Variants in SAP130 observed in about 807,000 individuals in gnomAD.
SAP130 encodes histone deacetylase complex subunit SAP130.
Under a neutral mutation model 103.2 loss-of-function variants are expected in SAP130, and 16 were observed. That is an observed-to-expected ratio of 0.16 (90% CI 0.10 to 0.24). The LOEUF (loss-of-function observed/expected upper bound fraction) is 0.24, where lower values mean the gene tolerates loss of function less well. SAP130 is among the 10% of genes least tolerant of loss of function. The pLI is 1.00. For missense variants in SAP130, 990 were observed against 1,359.7 expected, an observed-to-expected ratio of 0.73 and a Z score of 4.28; for synonymous variants, 477 against 497.0, an observed-to-expected ratio of 0.96 and a Z score of 0.53.
Position 127,942,260 on chromosome 2 carries a change from T to C in SAP130, c.3016-96A>G. 8.3e-7 allele frequency: 1 copy of C among 1,200,650 alleles called. No homozygotes were observed. The highest frequency in any genetic ancestry group is 1.4e-5 in the South Asian group (1 of 69,500). The allele number at this position is 1,200,650 out of a possible 1,614,324, so 74.4% of individuals were successfully genotyped here. On this transcript the variant is annotated intron_variant, in intron 20 of 20. Coordinates refer to ENST00000643581, the MANE Select transcript of SAP130 (RefSeq NM_001330301.2). The surrounding 1 kb of genome is among the most constrained non-coding windows in gnomAD (Gnocchi z 4.8). ...CTTTGGGCAGAGGCCATGTTGAGGC[T>C]TCCACAACAGAGAAAATGTCTTTTT...
chr2:128,010,249 T>G lies in SAP130; in HGVS notation c.869+20A>C. The G allele has an allele frequency of 6.3e-7, 1 of 1,599,970 alleles. No individual in the cohort carries two copies. The highest frequency in any genetic ancestry group is 8.5e-7 in the Non-Finnish European group (1 of 1,171,332). On this transcript the variant is annotated intron_variant, in intron 7 of 20. Coordinates refer to ENST00000643581, the MANE Select transcript of SAP130 (RefSeq NM_001330301.2). ...AGGAGGATGGCAGGAAGGTTCAAAC[T>G]TCATACTCCCCATGTATACCTAAGT...
intron 6 of SAP130, 36 bp from the exon 7 acceptor site, chr2:128,010,429 A>G (rs758627676): frequency 6.3e-7 from 1 of 1,588,822 alleles, no homozygotes. Flanking sequence ...TTTAAAACAA[A>G]AATAAAATAG....
At position 127,961,305 on chromosome 2, in the gene SAP130, AT is replaced by A. The variant is rs70985491; in HGVS notation, c.2064-5962del. On this transcript the variant is annotated intron_variant, in intron 15 of 20. Coordinates refer to ENST00000643581, the MANE Select transcript of SAP130 (RefSeq NM_001330301.2). ...AGGGGTGTACCACCATGCCCAGCTA[AT>A]TTTTTTTTTTTTTTTAATTTTAGTA... Among the ~76,000 whole-genome samples the A allele has an allele frequency of 5.1e-3, 732 of 142,504 alleles. 6 individuals are homozygous for A. The highest frequency in any genetic ancestry group is 0.017 in the African/African-American group (650 of 38,768). The allele number at this position is 142,504 out of a possible 152,430, so 93.5% of individuals were successfully genotyped here. A position where few individuals can be genotyped will look rare whatever the true frequency, so the allele number is the denominator to read the frequency against.
intron 19 of SAP130, among the ~76,000 whole-genome samples, 154 bp downstream of exon 19, chr2:127,945,302 G>C (rs980560591): frequency 2.6e-5 from 4 of 152,232 alleles, no homozygotes; most frequent in Admixed American, 2.6e-4. Context: ...AACTGACACA[G>C]TGTGATATTA....
At chr2:128,027,392 C>A in intron 1 of SAP130, 1 of 1,139,352 alleles carries the variant, frequency 8.8e-7, no homozygotes, top group South Asian at 4.4e-5. Flanking sequence ...CCTGCACGTT[C>A]AGAGCCCGCC....
intron 15 of SAP130, among the ~76,000 whole-genome samples, chr2:127,969,230 T>C (rs866480412): frequency 7.2e-5 from 11 of 152,262 alleles, no homozygotes; most frequent in South Asian, 2.1e-4. Flanking sequence ...GGAAGAAGGA[T>C]AAAATGTAGT....
At position 127,980,896 on chromosome 2, in the gene SAP130, T is replaced by TCAACAA. The variant is rs61511870; in HGVS notation, c.1959-2813_1959-2808dup. On this transcript the variant is annotated intron_variant, in intron 14 of 20. Coordinates refer to ENST00000643581, the MANE Select transcript of SAP130 (RefSeq NM_001330301.2). ...TGGGAGACAGAGTGAGACCCCCATC[T>TCAACAA]CAACAACAACAACAACAAATTCATA... 1.0e-4 allele frequency among the ~76,000 whole-genome samples: 15 copies of TCAACAA among 150,534 alleles called. No individual in the cohort carries two copies. The South Asian group carries it at 1.3e-3, about 13-fold the overall frequency.
intron 10 of SAP130, 29 bp downstream of exon 10, chr2:127,999,712 C>G (rs371913386): frequency 2.9e-5 from 39 of 1,365,672 alleles, no homozygotes; most frequent in Non-Finnish European, 3.7e-5. Flanking sequence ...TCCTGGTAAG[C>G]TTCTGTCCGA....
At chr2:127,946,495 T>C (rs1193473939) in intron 18 of SAP130, among the ~76,000 whole-genome samples, 2 of 152,208 alleles carry the variant, frequency 1.3e-5, no homozygotes, top group Non-Finnish European at 2.9e-5. Flanking sequence ...TACAATCATG[T>C]GATTTTTCTT....
intron 2 of SAP130, among the ~76,000 whole-genome samples, chr2:128,018,354 G>T (rs1259087276): frequency 7.1e-6 from 1 of 141,770 alleles, no homozygotes; most frequent in Non-Finnish European, 1.5e-5. Flanking sequence ...CAAAAACCAC[G>T]TTTTTTTGTA....
At chr2:128,027,567 G>A (rs1369700808) in intron 1 of SAP130, among the ~76,000 whole-genome samples, 1 of 151,640 alleles carries the variant, frequency 6.6e-6, no homozygotes, top group African/African-American at 2.4e-5. Context: ...CGGGCGCAGG[G>A]CCCGGATGTG....
chr2:127,996,362 C>T lies in SAP130; in HGVS notation c.1343G>A (p.Arg448Gln), dbSNP rs1683174975. Reference protein sequence around the residue: ...ASPNPVAMETRSDNRPSVPVQ... With the variant: ...ASPNPVAMETQSDNRPSVPVQ... ...CACAGCCTCCTACCTGTTGTCACTT[C>T]GGGTTTCCATGGCCACAGGATTGGG... The change falls in exon 11 of 21, where the codon CGA becomes CAA. Residue 448 changes from arginine (R) to glutamine (Q), a missense_variant. By Grantham distance (43) the Arg-to-Gln change is conservative. This residue lies in a region of SAP130 where 336 missense variants were observed against 520.1 expected (regional missense o/e 0.65). Coordinates refer to ENST00000643581, the MANE Select transcript of SAP130 (RefSeq NM_001330301.2). This position sits in a 1 kb window ranked among gnomAD's most constrained non-coding sequence, Gnocchi z 4.3. 3 of 1,602,616 alleles carry T rather than the reference C, an allele frequency of 1.9e-6. No homozygotes were observed. Among genetic ancestry groups the T allele is most frequent in the South Asian group, 1.1e-5 (1 of 89,086 alleles).
intron 2 of SAP130, among the ~76,000 whole-genome samples, chr2:128,023,119 C>T (rs541028909): frequency 2.0e-5 from 3 of 152,156 alleles, no homozygotes; most frequent in African/African-American, 7.2e-5. Context: ...CTCAGCCTCC[C>T]GATTAGCCGG....
In SAP130 at chr2:128,016,477, G is replaced by T. The variant is rs142387541; in HGVS notation, c.419C>A (p.Pro140His). The change falls in exon 4 of 21, where the codon CCC becomes CAC. Residue 140 changes from proline to histidine, a missense_variant. This residue lies in a region of SAP130 where 167 missense variants were observed against 187.4 expected (regional missense o/e 0.89). Coordinates refer to ENST00000643581, the MANE Select transcript of SAP130 (RefSeq NM_001330301.2). The part of the protein sequence containing the change: ...PAPPSTLSLP[P>H]KVPGQVTVTM... ...AACGGTAACCTGCCCTGGAACCTTG[G>T]GGGGAAGTGACAGGGTAGAAGGTGG... The T allele has an allele frequency of 5.1e-5, 83 of 1,613,910 alleles. No individual in the cohort carries two copies. Among genetic ancestry groups the T allele is most frequent in the Admixed American group, 6.7e-5 (4 of 59,984 alleles).
At chr2:127,992,268 G>A (rs889672924) in intron 12 of SAP130, among the ~76,000 whole-genome samples, 3 of 149,706 alleles carry the variant, frequency 2.0e-5, no homozygotes, top group Non-Finnish European at 3.0e-5. Context: ...CACAGCGCCC[G>A]GCCCCAGGCA....
chr2:128,000,158 A>G lies in SAP130; in HGVS notation c.1018-12T>C. 1 of 1,612,854 alleles carries G rather than the reference A, an allele frequency of 6.2e-7. No homozygotes were observed. Among genetic ancestry groups the G allele is most frequent in the South Asian group, 1.1e-5 (1 of 91,030 alleles). On this transcript the variant is annotated splice_polypyrimidine_tract_variant and intron_variant, in intron 8 of 20. Coordinates refer to ENST00000643581, the MANE Select transcript of SAP130 (RefSeq NM_001330301.2). ...CTGAAGATTGTTTTCTGTGAGGGAA[A>G]CCCCACAACACAGTTATAAGAACAT...
At chr2:128,026,643 T>C (rs1291528988) in intron 1 of SAP130, among the ~76,000 whole-genome samples, 2 of 152,168 alleles carry the variant, frequency 1.3e-5, no homozygotes, top group Non-Finnish European at 2.9e-5. Context: ...TTATGGAAAA[T>C]GGCATGTCTC....
chr2:128,010,429 A>C (rs758627676), intron 6 of SAP130, 36 bp from the exon 7 acceptor site: 3 of 1,588,822 alleles, frequency 1.9e-6, no homozygotes. Flanking sequence ...TTTAAAACAA[A>C]AATAAAATAG....
intron 15 of SAP130, among the ~76,000 whole-genome samples, chr2:127,965,694 G>A (rs1680607360): frequency 6.6e-6 from 1 of 151,944 alleles, no homozygotes. Context: ...GGAGGCTAAG[G>A]CATGAGAATT....
Sources: allele counts gnomAD v4.1 joint callset (sites outside exome capture counted in the v4.1 genomes callset), GRCh38; gene constraint gnomAD v4.1.1; regional missense constraint gnomAD v4.1.1; non-coding constraint Gnocchi (gnomAD v3.1); transcripts MANE v1.5; gene names NCBI Gene and HGNC (gene_info 2026-07-23, HGNC 2026-07-21).